The following PPP2R5D variants were observed in gnomAD, a reference collection of about 807,000 sequenced individuals.
The protein encoded by PPP2R5D is serine/threonine-protein phosphatase 2A 56 kDa regulatory subunit delta isoform.
Under a neutral mutation model 79.1 loss-of-function variants are expected in PPP2R5D, and 12 were observed. The observed-to-expected ratio is 0.15, with a 90% CI of 0.10 to 0.25. PPP2R5D has a LOEUF of 0.25. Ranked by LOEUF, PPP2R5D falls within the 10% of genes least tolerant of loss-of-function variation. The probability of loss-of-function intolerance (pLI) is 1.00; values close to 1 mark genes in which losing one functional copy is unlikely to be tolerated. For synonymous variants in PPP2R5D, 277 were observed against 286.6 expected (o/e 0.97, Z 0.34); for missense variants, 419 against 760.2 (o/e 0.55, Z 5.28).
Position 43,007,895 on chromosome 6 carries a change from T to C in PPP2R5D, c.727-40T>C. On this transcript the variant is annotated intron_variant, in intron 6 of 15. Coordinates refer to ENST00000485511, the MANE Select transcript of PPP2R5D (RefSeq NM_006245.4). The surrounding 1 kb of genome is among the most constrained non-coding windows in gnomAD (Gnocchi z 4.5). The stretch of plus-strand genomic sequence containing the variant: ...CACCCTGGCCACTGCCTTCCCTGGC[T>C]GCTGCCTCACTGGCTGCTTTCCCTC... 6.2e-7 allele frequency: 1 copy of C among 1,611,052 alleles called. No homozygotes were observed. The highest frequency in any genetic ancestry group is 8.5e-7 in the Non-Finnish European group (1 of 1,177,614).
chr6:43,008,728 G>A lies in PPP2R5D; in HGVS notation c.1062G>A (p.Glu354=). 6.2e-7 allele frequency: 1 copy of A among 1,614,156 alleles called. No individual in the cohort carries two copies. The highest frequency in any genetic ancestry group is 8.5e-7 in the Non-Finnish European group (1 of 1,180,004). Residue 354 remains glutamate, a synonymous_variant, in exon 10 of 16, where the codon GAG becomes GAA. Transcript: ENST00000485511. The surrounding 1 kb of genome is among the most constrained non-coding windows in gnomAD (Gnocchi z 4.2). The part of the protein sequence containing the change: ...AYCVVQFLEK[E]SSLTEPVIVG... ...GTGTGGTACAATTCCTGGAGAAGGAGAGCAGTCTGACTGAGCCGGTAATTC... is the reference window on the plus strand; with the variant it reads ...GTGTGGTACAATTCCTGGAGAAGGAAAGCAGTCTGACTGAGCCGGTAATTC...
chr6:42,993,774 T>C (rs1014664611), intron 2 of PPP2R5D, among the ~76,000 whole-genome samples: 1 of 152,212 alleles, frequency 6.6e-6, no homozygotes, highest in African/African-American at 2.4e-5. Flanking sequence ...CAATCCAGTA[T>C]GATCTCATTT....
At chr6:42,999,712 C>T (rs1407239179) in intron 2 of PPP2R5D, among the ~76,000 whole-genome samples, 1 of 151,560 alleles carries the variant, frequency 6.6e-6, no homozygotes, top group Non-Finnish European at 1.5e-5. Flanking sequence ...ATTACAGGCC[C>T]CCACCATCAC....
rs982726510 is a variant in PPP2R5D at position 43,008,350 on chromosome 6, T to C, written c.918-17T>C. 6 of 1,613,284 alleles carry C rather than the reference T, an allele frequency of 3.7e-6. No homozygotes were observed. In the African/African-American group the frequency reaches 8.0e-5, roughly 22 times the overall value. ...GATCTGACCCTCTGGTCCTAACAAA[T>C]GTCCCTTAATTCCTAGCATCATCAA... On this transcript the variant is annotated splice_polypyrimidine_tract_variant and intron_variant, in intron 8 of 15. Transcript: ENST00000485511. This position sits in a 1 kb window ranked among gnomAD's most constrained non-coding sequence, Gnocchi z 4.2.
rs1257036672 is a variant in PPP2R5D, at chr6:43,001,843, C to T, written c.106-4620C>T. On this transcript the variant is annotated intron_variant, in intron 2 of 15. Transcript: ENST00000485511. ...CAGAGGTTGCAGTGAGCTGAGATTG[C>T]GCCACTGCACTCCAGCCGGGTGACA... 1.5e-4 allele frequency among the ~76,000 whole-genome samples: 23 copies of T among 149,944 alleles called. No individual in the cohort carries two copies. The South Asian group carries it at 4.0e-3, about 26-fold the overall frequency.
At chr6:42,989,158 C>G (rs142938296) in intron 1 of PPP2R5D, among the ~76,000 whole-genome samples, 129 of 152,280 alleles carry the variant, frequency 8.5e-4, no homozygotes, top group Non-Finnish European at 1.5e-3. Context: ...AAATTGCCTC[C>G]CAGTCTTTCC....
rs2236356 is a variant in PPP2R5D at position 43,010,588 on chromosome 6, G to A, written c.1481+19G>A. ...AGCAGAAGTGAGTATCTCTCTCCCC[G>A]GGAGACTTTCATCTTCTACCACCAG... On this transcript the variant is annotated intron_variant, in intron 13 of 15. Coordinates refer to ENST00000485511, the MANE Select transcript of PPP2R5D (RefSeq NM_006245.4). This position sits in a 1 kb window ranked among gnomAD's most constrained non-coding sequence, Gnocchi z 4.7. 0.17 allele frequency: 272,886 copies of A among 1,612,820 alleles called. 33,988 individuals are homozygous for A. Among genetic ancestry groups the A allele is most frequent in the African/African-American group, 0.65 (48,755 of 74,872 alleles).
intron 2 of PPP2R5D, among the ~76,000 whole-genome samples, chr6:43,003,656 T>G (rs189869741): frequency 2.0e-4 from 30 of 152,302 alleles, no homozygotes; most frequent in African/African-American, 6.7e-4. Context: ...CGTTTTTGGT[T>G]CTGTGCATGT....
chr6:43,008,363 C>A lies in PPP2R5D; in HGVS notation c.918-4C>A. 6.2e-7 allele frequency: 1 copy of A among 1,613,804 alleles called. No homozygotes were observed. Among genetic ancestry groups the A allele is most frequent in the East Asian group, 2.2e-5 (1 of 44,880 alleles). ...GGTCCTAACAAATGTCCCTTAATTC[C>A]TAGCATCATCAATGGCTTTGCCCTG... On this transcript the variant is annotated splice_region_variant and splice_polypyrimidine_tract_variant and intron_variant, in intron 8 of 15. Coordinates refer to ENST00000485511, the MANE Select transcript of PPP2R5D (RefSeq NM_006245.4). The surrounding 1 kb of genome is among the most constrained non-coding windows in gnomAD (Gnocchi z 4.2).
intron 15 of PPP2R5D, 57 bp from the exon 16 acceptor site, chr6:43,011,091 CA>C: frequency 6.2e-7 from 1 of 1,612,350 alleles, no homozygotes; most frequent in Non-Finnish European, 8.5e-7. Context: ...GGGGACGGAA[CA>C]ATAGAATTCA....
Position 43,010,733 on chromosome 6 carries a change from C to T in PPP2R5D, c.1551C>T (p.Pro517=). The T allele has an allele frequency of 6.2e-7, 1 of 1,613,978 alleles. No homozygotes were observed. The highest frequency in any genetic ancestry group is 1.1e-5 in the South Asian group (1 of 91,080). Residue 517 remains proline, a synonymous_variant, in exon 14 of 16, where the codon CCC becomes CCT. Coordinates refer to ENST00000485511, the MANE Select transcript of PPP2R5D (RefSeq NM_006245.4). The surrounding 1 kb of genome is among the most constrained non-coding windows in gnomAD (Gnocchi z 4.7). The part of the protein sequence containing the change: ...QKIEELARLN[P]QYPMFRAPPP... ...TCGAGGAGCTGGCCCGGCTTAATCC[C>T]CAGGTGAGGTTTTCCTGCCACTGTT...
chr6:42,996,518 C>A (rs1285842350), intron 2 of PPP2R5D, among the ~76,000 whole-genome samples: 4 of 150,418 alleles, frequency 2.7e-5, no homozygotes, highest in African/African-American at 9.8e-5. Context: ...AAAAAACAAA[C>A]AAATCAAAAG....
chr6:43,011,422 G>A lies in PPP2R5D; in HGVS notation c.*136G>A. 2 of 1,215,068 alleles carry A rather than the reference G, an allele frequency of 1.6e-6. No individual in the cohort carries two copies. The highest frequency in any genetic ancestry group is 2.3e-6 in the Non-Finnish European group (2 of 883,264). 75.3% of individuals were successfully genotyped at this position (1,215,068 alleles called of 1,614,324 possible). A position where few individuals can be genotyped will look rare whatever the true frequency, so the allele number is the denominator to read the frequency against. ...AGCTACTCAAGGGAGGGGGATGTGG[G>A]CACTTGAAGCAGGGACACCCACAGA... On this transcript the variant is annotated 3_prime_UTR_variant, in exon 16 of 16. Transcript: ENST00000485511.
intron 2 of PPP2R5D, among the ~76,000 whole-genome samples, chr6:43,003,680 C>G (rs1027150190): frequency 1.2e-4 from 18 of 151,798 alleles, no homozygotes; most frequent in African/African-American, 3.6e-4. Context: ...TTAATGTGAG[C>G]GAGCTCATTT....
chr6:42,998,015 T>TATATA (rs1771842259), intron 2 of PPP2R5D, among the ~76,000 whole-genome samples: 2 of 32,328 alleles, frequency 6.2e-5, no homozygotes, highest in African/African-American at 1.5e-4. Flanking sequence ...TGGGTTTTAT[T>TATATA]TATATATATA....
At chr6:42,997,592 A>G (rs1180785079) in intron 2 of PPP2R5D, among the ~76,000 whole-genome samples, 1 of 151,418 alleles carries the variant, frequency 6.6e-6, no homozygotes, top group Non-Finnish European at 1.5e-5. Context: ...TCACTGCAAT[A>G]TCTACCTCCC....
intron 2 of PPP2R5D, 148 bp downstream of exon 2, chr6:42,989,836 C>G: frequency 1.4e-6 from 1 of 714,702 alleles, no homozygotes; most frequent in South Asian, 1.9e-5. Flanking sequence ...CCAGACTGCC[C>G]TCAGGCAGGA....
intron 2 of PPP2R5D, among the ~76,000 whole-genome samples, chr6:42,998,331 C>G (rs1771937843): frequency 6.6e-6 from 1 of 151,720 alleles, no homozygotes; most frequent in Non-Finnish European, 1.5e-5. Context: ...CCTCGGCCTC[C>G]CAAAGTTCTG....
At chr6:42,985,780 T>C (rs1476715285) in intron 1 of PPP2R5D, among the ~76,000 whole-genome samples, 1 of 150,490 alleles carries the variant, frequency 6.6e-6, no homozygotes, top group Non-Finnish European at 1.5e-5. Context: ...CATTTCTTTT[T>C]TTTTTTTTTT....
Sources: allele counts gnomAD v4.1 joint callset (sites outside exome capture counted in the v4.1 genomes callset), GRCh38; gene constraint gnomAD v4.1.1; non-coding constraint Gnocchi (gnomAD v3.1); transcripts MANE v1.5; gene names NCBI Gene and HGNC (gene_info 2026-07-23, HGNC 2026-07-21).